The following EPS8 variants were observed in gnomAD, a reference collection of about 807,000 sequenced individuals.
EPS8 encodes the protein epidermal growth factor receptor kinase substrate 8.
In EPS8, 42 loss-of-function variants were observed where a neutral mutation model predicts 103.8. That is an observed-to-expected ratio of 0.40 (90% confidence interval 0.32 to 0.52). EPS8 has a LOEUF of 0.52. EPS8 is among the 20% of genes least tolerant of loss of function. The pLI is 0.40. For synonymous variants in EPS8, 344 were observed against 344.6 expected (o/e 1.00, Z 0.02); for missense variants, 969 against 1,005.1 (o/e 0.96, Z 0.49).
chr12:15,717,177 G>A lies in EPS8; in HGVS notation c.-21-34205C>T, dbSNP rs1946541711. On this transcript the variant is annotated intron_variant, in intron 1 of 20. Coordinates refer to ENST00000281172, the MANE Select transcript of EPS8 (RefSeq NM_004447.6). This position sits in a 1 kb window ranked among gnomAD's most constrained non-coding sequence, Gnocchi z 4.3. Reference sequence around the variant, plus strand: ...CATATCTAACTACAATTATAGTCATGCAAAAGGACAAACATGCCTGGCATG... The same window carrying A: ...CATATCTAACTACAATTATAGTCATACAAAAGGACAAACATGCCTGGCATG... Among the ~76,000 whole-genome samples the A allele has an allele frequency of 6.6e-6, 1 of 152,194 alleles. No homozygotes were observed. Among genetic ancestry groups the A allele is most frequent in the Non-Finnish European group, 1.5e-5 (1 of 68,034 alleles).
At chr12:15,626,535 A>C (rs1013441847) in intron 18 of EPS8, among the ~76,000 whole-genome samples, 1 of 151,102 alleles carries the variant, frequency 6.6e-6, no homozygotes, top group Admixed American at 6.6e-5. Flanking sequence ...AGGCTGAGGC[A>C]GGAGAATCTC....
At chr12:15,746,193 G>A (rs1946873601) in intron 1 of EPS8, among the ~76,000 whole-genome samples, 1 of 152,098 alleles carries the variant, frequency 6.6e-6, no homozygotes, top group South Asian at 2.1e-4. Flanking sequence ...GAACTCAACT[G>A]CCCTCAGTAG....
intron 6 of EPS8, among the ~76,000 whole-genome samples, chr12:15,668,332 A>C (rs1945753437): frequency 6.6e-6 from 1 of 152,192 alleles, no homozygotes; most frequent in Non-Finnish European, 1.5e-5. Flanking sequence ...AAATGTCAAA[A>C]AACACAGAAA....
chr12:15,647,875 T>C (rs1752030055), intron 14 of EPS8, among the ~76,000 whole-genome samples: 1 of 152,150 alleles, frequency 6.6e-6, no homozygotes, highest in Non-Finnish European at 1.5e-5. Flanking sequence ...GCAGGACTGG[T>C]TTCATGGAAG....
chr12:15,643,301 G>C (rs1405637348), intron 15 of EPS8, among the ~76,000 whole-genome samples: 2 of 152,078 alleles, frequency 1.3e-5, no homozygotes, highest in Admixed American at 6.5e-5. Context: ...TTATCTTGCA[G>C]GTCTCAGAAG....
Position 15,789,072 on chromosome 12 carries a change from A to C in EPS8, c.-22+89T>G, listed in dbSNP as rs1398391523. 6.6e-6 allele frequency: 1 copy of C among 152,132 alleles called. No homozygotes were observed. The highest frequency in any genetic ancestry group is 1.5e-5 in the Non-Finnish European group (1 of 68,012). The allele number at this position is 152,132 out of a possible 1,614,324, so 9.4% of individuals were successfully genotyped here. On this transcript the variant is annotated intron_variant, in intron 1 of 20. Transcript: ENST00000281172. This position sits in a 1 kb window ranked among gnomAD's most constrained non-coding sequence, Gnocchi z 6.1. ...GGACGCGGCTCCTGGCACCGCTCCG[A>C]TTCCAGCACACAAAGGCGGATTTTT...
Position 15,780,847 on chromosome 12 carries a change from T to C in EPS8, c.-22+8314A>G, listed in dbSNP as rs1010967977. 6.6e-6 allele frequency: 1 copy of C among 152,214 alleles called. No homozygotes were observed. Among genetic ancestry groups the C allele is most frequent in the Non-Finnish European group, 1.5e-5 (1 of 68,040 alleles). The allele number at this position is 152,214 out of a possible 1,614,324, so 9.4% of individuals were successfully genotyped here. A position where few individuals can be genotyped will look rare whatever the true frequency, so the allele number is the denominator to read the frequency against. ...TGAATAAACAAATGAAATGTAGTAATGCTCAACTTCCTATGTGAGGAAAAC... is the reference window on the plus strand; with the variant it reads ...TGAATAAACAAATGAAATGTAGTAACGCTCAACTTCCTATGTGAGGAAAAC... On this transcript the variant is annotated intron_variant, in intron 1 of 20. Coordinates refer to ENST00000281172, the MANE Select transcript of EPS8 (RefSeq NM_004447.6). The surrounding 1 kb of genome is among the most constrained non-coding windows in gnomAD (Gnocchi z 4.1).
chr12:15,753,291 T>C (rs1946952387), intron 1 of EPS8, among the ~76,000 whole-genome samples: 1 of 152,206 alleles, frequency 6.6e-6, no homozygotes, highest in South Asian at 2.1e-4. Flanking sequence ...ATGCTACTAG[T>C]AATGCATCAT....
At chr12:15,638,840 G>T (rs1945181159) in intron 17 of EPS8, among the ~76,000 whole-genome samples, 2 of 152,128 alleles carry the variant, frequency 1.3e-5, no homozygotes, top group African/African-American at 2.4e-5. Flanking sequence ...TTCAGTTTTA[G>T]ACAGAAGCAA....
intron 1 of EPS8, among the ~76,000 whole-genome samples, chr12:15,763,903 T>C (rs1591927526): frequency 6.6e-6 from 1 of 152,258 alleles, no homozygotes; most frequent in East Asian, 1.9e-4. Flanking sequence ...AGTAGATTTC[T>C]TGCTATTATG....
intron 17 of EPS8, among the ~76,000 whole-genome samples, chr12:15,633,006 G>C (rs942461874): frequency 2.6e-5 from 4 of 152,112 alleles, no homozygotes; most frequent in African/African-American, 9.7e-5. Flanking sequence ...GGTAGATGCT[G>C]AGGGAAGAAG....
At chr12:15,742,026 C>T (rs1245867166) in intron 1 of EPS8, among the ~76,000 whole-genome samples, 2 of 152,170 alleles carry the variant, frequency 1.3e-5, no homozygotes, top group South Asian at 2.1e-4. Flanking sequence ...ATCCATGTCC[C>T]TACAAAGGAC....
Position 15,666,470 on chromosome 12 carries a change from C to A in EPS8, c.569G>T (p.Gly190Val). 1 of 1,613,862 alleles carries A rather than the reference C, an allele frequency of 6.2e-7. No individual in the cohort carries two copies. Among genetic ancestry groups the A allele is most frequent in the Non-Finnish European group, 8.5e-7 (1 of 1,179,810 alleles). ...IESAISDSKG[G>V]KQKRRPDALR... ...GGCGTCGGGCCGCCTCTTCTGTTTC[C>A]CTCCTTTACTGTCACTGATTGCACT... Residue 190 changes from glycine (G) to valine (V), a missense_variant, in exon 7 of 21, where the codon GGG becomes GTG. Coordinates refer to ENST00000281172, the MANE Select transcript of EPS8 (RefSeq NM_004447.6).
chr12:15,658,932 ACC>A (rs1338988289), intron 10 of EPS8, among the ~76,000 whole-genome samples: 1 of 152,178 alleles, frequency 6.6e-6, no homozygotes, highest in Non-Finnish European at 1.5e-5. Flanking sequence ...CAAGAGAAGT[ACC>A]AATCGTTATG....
intron 2 of EPS8, 51 bp downstream of exon 2, chr12:15,682,842 C>A: frequency 1.0e-6 from 1 of 979,610 alleles, no homozygotes; most frequent in Admixed American, 2.1e-5. Flanking sequence ...CAATTAAAAT[C>A]ACCAAATCAA....
chr12:15,630,975 G>A (rs1945034972), intron 18 of EPS8, among the ~76,000 whole-genome samples: 1 of 152,162 alleles, frequency 6.6e-6, no homozygotes, highest in Non-Finnish European at 1.5e-5. Flanking sequence ...TCAGAAGGAT[G>A]GAGAAGAAGA....
intron 1 of EPS8, among the ~76,000 whole-genome samples, chr12:15,774,913 A>G (rs1381360314): frequency 6.6e-6 from 1 of 151,918 alleles, no homozygotes; most frequent in Non-Finnish European, 1.5e-5. Flanking sequence ...GCAATTCTTG[A>G]CCCTGCTACC....
At position 15,683,141 on chromosome 12, in the gene EPS8, A is replaced by T. The variant is rs1946038484; in HGVS notation, c.-21-169T>A. The T allele has an allele frequency of 7.2e-6, 3 of 416,602 alleles. No homozygotes were observed. In the Admixed American group the frequency reaches 1.4e-4, roughly 19 times the overall value. 25.8% of individuals were successfully genotyped at this position (416,602 alleles called of 1,614,324 possible). On this transcript the variant is annotated intron_variant, in intron 1 of 20. Transcript: ENST00000281172. Reference sequence around the variant, plus strand: ...TCAGGCCCCAGAGGTATAGATGAACATTTAAACAAAGATCCAACTGGCATT... The same window carrying T: ...TCAGGCCCCAGAGGTATAGATGAACTTTTAAACAAAGATCCAACTGGCATT...
At chr12:15,639,431 A>G (rs1186928696) in intron 17 of EPS8, among the ~76,000 whole-genome samples, 1 of 152,214 alleles carries the variant, frequency 6.6e-6, no homozygotes, top group African/African-American at 2.4e-5. Context: ...CATACCTTGA[A>G]TAACTCAAAC....
Sources: allele counts gnomAD v4.1 joint callset (sites outside exome capture counted in the v4.1 genomes callset), GRCh38; gene constraint gnomAD v4.1.1; non-coding constraint Gnocchi (gnomAD v3.1); transcripts MANE v1.5; gene names NCBI Gene and HGNC (gene_info 2026-07-23, HGNC 2026-07-21).